Variants in CHMP1A observed in about 807,000 individuals in gnomAD.
The protein encoded by CHMP1A is charged multivesicular body protein 1A.
Under a neutral mutation model 27.0 loss-of-function variants are expected in CHMP1A, and 17 were observed. That is an observed-to-expected ratio of 0.63 (90% confidence interval 0.43 to 0.95). CHMP1A has a LOEUF of 0.95. Among genes scored for constraint, CHMP1A ranks in the 40% least tolerant of loss-of-function variants. The pLI, the probability that CHMP1A is intolerant of heterozygous loss-of-function variation, is 0.00. For missense variants in CHMP1A, 275 were observed against 264.0 expected, an observed-to-expected ratio of 1.04 and a Z score of -0.29; for synonymous variants, 131 against 107.5, an observed-to-expected ratio of 1.22 and a Z score of -1.35.
intron 5 of CHMP1A, 96 bp downstream of exon 5, chr16:89,647,107 A>G (rs1314668584): frequency 1.3e-6 from 2 of 1,544,690 alleles, no homozygotes; most frequent in Non-Finnish European, 1.7e-6. Flanking sequence ...AGGTATGCAG[A>G]GACAGCACGT....
Position 89,645,918 on chromosome 16 carries a change from G to A in CHMP1A, c.*148C>T, listed in dbSNP as rs757300622. The stretch of plus-strand genomic sequence containing the variant: ...CCTAAAAGAACAGGAACAACCCTAA[G>A]GCCACGCAGGCCTGGCAGGTGAGAG... On this transcript the variant is annotated 3_prime_UTR_variant, in exon 7 of 7. Coordinates refer to ENST00000397901, the MANE Select transcript of CHMP1A (RefSeq NM_002768.5). 2 of 1,609,166 alleles carry A rather than the reference G, an allele frequency of 1.2e-6. No homozygotes were observed. Among genetic ancestry groups the A allele is most frequent in the African/African-American group, 2.7e-5 (2 of 74,830 alleles).
At chr16:89,647,076 G>A in intron 5 of CHMP1A, 127 bp downstream of exon 5, 2 of 1,534,048 alleles carry the variant, frequency 1.3e-6, no homozygotes, top group Non-Finnish European at 1.7e-6. Context: ...AGGATGCTTG[G>A]TGACGTCAGG....
In CHMP1A at chr16:89,647,338, C is replaced by T; in HGVS notation, c.253-7G>A. 1 of 1,605,748 alleles carries T rather than the reference C, an allele frequency of 6.2e-7. No homozygotes were observed. The highest frequency in any genetic ancestry group is 8.5e-7 in the Non-Finnish European group (1 of 1,173,728). On this transcript the variant is annotated splice_region_variant and splice_polypyrimidine_tract_variant and intron_variant, in intron 4 of 6. Transcript: ENST00000397901. ...GGGCCATATTCTTGGTCACCTGAGA[C>T]AGGAGAGAGCGCAGGAGGGAACAGG...
chr16:89,657,555 C>T lies in CHMP1A; in HGVS notation c.7+27G>A, dbSNP rs780432087. ...AAGCGGCCCCGCCCCGCGCGCGAGT[C>T]CCCGGAGGACGGCCGCGACCTCTTA... On this transcript the variant is annotated intron_variant, in intron 1 of 6. Transcript: ENST00000397901. 8.7e-6 allele frequency: 14 copies of T among 1,609,872 alleles called. No individual in the cohort carries two copies. In the Admixed American group the frequency reaches 1.8e-4, roughly 21 times the overall value.
At chr16:89,656,575 G>A (rs768699787) in intron 1 of CHMP1A, among the ~76,000 whole-genome samples, 3 of 152,204 alleles carry the variant, frequency 2.0e-5, no homozygotes, top group Non-Finnish European at 4.4e-5. Flanking sequence ...GATGTAGAAG[G>A]TAAGAATTAG....
chr16:89,646,815 G>T, intron 5 of CHMP1A, 101 bp from the exon 6 acceptor site: 3 of 1,286,186 alleles, frequency 2.3e-6, no homozygotes, highest in Non-Finnish European at 3.3e-6. Flanking sequence ...CCCTCACACA[G>T]CCAGCCACCT....
intron 2 of CHMP1A, among the ~76,000 whole-genome samples, chr16:89,652,174 A>G (rs2059829654): frequency 6.6e-6 from 1 of 152,220 alleles, no homozygotes; most frequent in Non-Finnish European, 1.5e-5. Context: ...CCAGCACCAC[A>G]CGGAAACAGG....
rs745868546 is a variant in CHMP1A, at chr16:89,649,480, A to G, written c.123T>C (p.Asn41=). 16 of 1,613,386 alleles carry G rather than the reference A, an allele frequency of 9.9e-6. No individual in the cohort carries two copies. Among genetic ancestry groups the G allele is most frequent in the African/African-American group, 4.0e-5 (3 of 74,854 alleles). ...AKVKKALLQK[N]VECARVYAEN... ...CGGCATACACACGGGCACACTCTAC[A>G]TTTTTCTGCAGAAGGGCCTGAAACC... Residue 41 remains asparagine (N), a synonymous_variant, in exon 4 of 7, where the codon AAT becomes AAC. Coordinates refer to ENST00000397901, the MANE Select transcript of CHMP1A (RefSeq NM_002768.5).
At chr16:89,653,806 T>C (rs1260878242) in intron 2 of CHMP1A, 98 bp downstream of exon 2, 2 of 1,300,860 alleles carry the variant, frequency 1.5e-6, no homozygotes, top group East Asian at 4.6e-5. Context: ...AACTGTTATA[T>C]AATCTGCCCG....
chr16:89,652,611 C>T (rs2059834048), intron 2 of CHMP1A, among the ~76,000 whole-genome samples: 1 of 152,088 alleles, frequency 6.6e-6, no homozygotes, highest in African/African-American at 2.4e-5. Context: ...TCTGGCAACC[C>T]ATCTGGAACC....
Position 89,644,949 on chromosome 16 carries a change from A to T in CHMP1A, c.*1117T>A, listed in dbSNP as rs936763583. 6.6e-6 allele frequency: 1 copy of T among 152,526 alleles called. No individual in the cohort carries two copies. Among genetic ancestry groups the T allele is most frequent in the Non-Finnish European group, 1.5e-5 (1 of 68,066 alleles). 9.4% of individuals were successfully genotyped at this position (152,526 alleles called of 1,614,324 possible). A position where few individuals can be genotyped will look rare whatever the true frequency, so the allele number is the denominator to read the frequency against. ...TGAAGTAAACTTTAGGAAATGGAAAAGACAGCAGGCTGTGCCCAAAGCCTC... is the reference window on the plus strand; with the variant it reads ...TGAAGTAAACTTTAGGAAATGGAAATGACAGCAGGCTGTGCCCAAAGCCTC... On this transcript the variant is annotated 3_prime_UTR_variant, in exon 7 of 7. Transcript: ENST00000397901.
intron 3 of CHMP1A, chr16:89,649,735 C>G: frequency 2.1e-6 from 1 of 477,482 alleles, no homozygotes; most frequent in South Asian, 2.5e-5. Context: ...GCCACCATGC[C>G]TGGCTAATTT....
rs537362632 is a variant in CHMP1A, at chr16:89,653,695, C to T, written c.27+209G>A. Among the ~76,000 whole-genome samples, 7 of 151,496 alleles carry T rather than the reference C, an allele frequency of 4.6e-5. No individual in the cohort carries two copies. The East Asian group carries it at 1.4e-3, about 30-fold the overall frequency. On this transcript the variant is annotated intron_variant, in intron 2 of 6. Transcript: ENST00000397901. ...TTTCATGGATGACCCTAAGGATCTG[C>T]CTCCACTTAGCCTCAGATAAGAAAA...
At chr16:89,656,338 T>G (rs936905280) in intron 1 of CHMP1A, among the ~76,000 whole-genome samples, 1 of 151,860 alleles carries the variant, frequency 6.6e-6, no homozygotes, top group African/African-American at 2.4e-5. Flanking sequence ...GGGGTTTCAC[T>G]GTGTTAGCCA....
rs888587640 is a variant in CHMP1A at position 89,645,688 on chromosome 16, G to A, written c.*378C>T. ...TGAGGTGGTGCGGAGAGGCCTCAGGGAGTTGTTTGGCAACAGGGCAGCCCT... is the reference window on the plus strand; with the variant it reads ...TGAGGTGGTGCGGAGAGGCCTCAGGAAGTTGTTTGGCAACAGGGCAGCCCT... On this transcript the variant is annotated 3_prime_UTR_variant, in exon 7 of 7. Coordinates refer to ENST00000397901, the MANE Select transcript of CHMP1A (RefSeq NM_002768.5). 9.4e-5 allele frequency: 35 copies of A among 373,548 alleles called. No individual in the cohort carries two copies. The Middle Eastern group carries it at 2.6e-3, about 27-fold the overall frequency. The allele number at this position is 373,548 out of a possible 1,614,324, so 23.1% of individuals were successfully genotyped here.
intron 2 of CHMP1A, 42 bp from the exon 3 acceptor site, chr16:89,651,688 C>G: frequency 6.2e-7 from 1 of 1,601,328 alleles, no homozygotes; most frequent in South Asian, 1.1e-5. Context: ...CATGCGGAGC[C>G]CATCCCCCAG....
chr16:89,651,734 C>T, intron 2 of CHMP1A, 88 bp from the exon 3 acceptor site: 3 of 1,301,702 alleles, frequency 2.3e-6, no homozygotes, highest in Non-Finnish European at 3.2e-6. Flanking sequence ...TGTGCCCACA[C>T]CTGTGCCCAC....
At chr16:89,654,697 C>T (rs2059850789) in intron 1 of CHMP1A, among the ~76,000 whole-genome samples, 2 of 152,132 alleles carry the variant, frequency 1.3e-5, no homozygotes, top group South Asian at 2.1e-4. Context: ...AATCCCAGCA[C>T]TTTGGGAGGC....
At chr16:89,650,868 A>C (rs1168671152) in intron 3 of CHMP1A, among the ~76,000 whole-genome samples, 1 of 151,960 alleles carries the variant, frequency 6.6e-6, no homozygotes, top group Non-Finnish European at 1.5e-5. Flanking sequence ...CAGATGGCAA[A>C]ATCAAGTTCA....
Sources: gnomAD v4.1 joint callset for allele counts (sites outside exome capture counted in the v4.1 genomes callset) on GRCh38, gnomAD v4.1.1 for gene constraint, MANE v1.5 for transcripts, NCBI Gene and HGNC (gene_info 2026-07-23, HGNC 2026-07-21) for gene names.